Variants in KCNJ6 observed in about 807,000 individuals in gnomAD.
The protein encoded by KCNJ6 is G protein-activated inward rectifier potassium channel 2.
KCNJ6 carries 9 observed loss-of-function variants against 34.2 expected under a neutral mutation model. The ratio of observed to expected loss-of-function variants is 0.26; its 90% confidence interval spans 0.16 to 0.46. The LOEUF is 0.46. KCNJ6 is among the 20% of genes least tolerant of loss of function. The pLI is 1.00. For synonymous variants in KCNJ6, 196 were observed against 207.1 expected, an observed-to-expected ratio of 0.95 and a Z score of 0.46; for missense variants, 236 against 531.3, an observed-to-expected ratio of 0.44 and a Z score of 5.46.
rs565425698 is a variant in KCNJ6, at chr21:37,776,577, A to G, written c.26-61446T>C. The stretch of plus-strand genomic sequence containing the variant: ...GCATGAAGGGCTGTTGAATTTTGTC[A>G]AAGGCCTTTTCTGCATCTATTGAGA... On this transcript the variant is annotated intron_variant, in intron 2 of 3. Transcript: ENST00000609713. Among the ~76,000 whole-genome samples, 71 of 152,270 alleles carry G rather than the reference A, an allele frequency of 4.7e-4. 1 individual carries two copies. Among genetic ancestry groups the G allele is most frequent in the South Asian group, 1.9e-3 (9 of 4,824 alleles).
chr21:37,840,771 T>C, intron 1 of KCNJ6, 62 bp from the exon 2 acceptor site: 2 of 921,224 alleles, frequency 2.2e-6, no homozygotes, highest in Non-Finnish European at 3.4e-6. Context: ...ATTGATCTAA[T>C]TGCCATTTAC....
At chr21:37,684,677 A>T (rs2054605375) in intron 3 of KCNJ6, among the ~76,000 whole-genome samples, 1 of 152,244 alleles carries the variant, frequency 6.6e-6, no homozygotes, top group Non-Finnish European at 1.5e-5. Flanking sequence ...ACAAAGCTGA[A>T]GACCACTTAA....
chr21:37,850,062 G>A (rs1568871041), intron 1 of KCNJ6, among the ~76,000 whole-genome samples: 1 of 152,216 alleles, frequency 6.6e-6, no homozygotes, highest in Non-Finnish European at 1.5e-5. Flanking sequence ...CCAGAAAGTA[G>A]TGCAATACAA....
At chr21:37,882,179 C>T (rs1204585176) in intron 1 of KCNJ6, among the ~76,000 whole-genome samples, 3 of 152,174 alleles carry the variant, frequency 2.0e-5, no homozygotes, top group Non-Finnish European at 4.4e-5. Context: ...TTTTAATTCT[C>T]TACTGTGTGC....
At chr21:37,712,575 T>C (rs4990451) in intron 3 of KCNJ6, among the ~76,000 whole-genome samples, 47,202 of 49,422 alleles carry the variant, frequency 0.96, 22,797 homozygotes, top group South Asian at 0.97. Context: ...CTCCTCCTCT[T>C]CTTCCTCCCT....
intron 2 of KCNJ6, among the ~76,000 whole-genome samples, chr21:37,728,757 C>T (rs772766461): frequency 6.6e-5 from 10 of 151,968 alleles, no homozygotes; most frequent in East Asian, 1.9e-4. Context: ...TGGAGAGAGA[C>T]GCTTCCATTT....
At chr21:37,851,715 C>T (rs1451085068) in intron 1 of KCNJ6, among the ~76,000 whole-genome samples, 2 of 151,888 alleles carry the variant, frequency 1.3e-5, no homozygotes, top group Admixed American at 1.3e-4. Context: ...TTCTTCATTT[C>T]AGCTTTGGCA....
In KCNJ6 at chr21:37,794,010, G is replaced by C. The variant is rs577733562; in HGVS notation, c.25+46648C>G. 2.6e-5 allele frequency among the ~76,000 whole-genome samples: 4 copies of C among 152,330 alleles called. No homozygotes were observed. The East Asian group carries it at 7.7e-4, about 29-fold the overall frequency. ...CTTTTTTGACAATACCTCACAGTAA[G>C]AAATATATTTGTTATTGTGACTCAG... is the stretch of plus-strand genomic sequence containing the variant. On this transcript the variant is annotated intron_variant, in intron 2 of 3. Coordinates refer to ENST00000609713, the MANE Select transcript of KCNJ6 (RefSeq NM_002240.5).
At chr21:37,797,332 G>A (rs1230336488) in intron 2 of KCNJ6, among the ~76,000 whole-genome samples, 2 of 152,202 alleles carry the variant, frequency 1.3e-5, no homozygotes, top group Non-Finnish European at 2.9e-5. Context: ...ATTACAAGGC[G>A]TGAGCCACTG....
chr21:37,907,063 T>C (rs892262880), intron 1 of KCNJ6, among the ~76,000 whole-genome samples: 2 of 152,166 alleles, frequency 1.3e-5, no homozygotes, highest in African/African-American at 2.4e-5. Flanking sequence ...AAATCTGAAG[T>C]GTGCTCTGCC....
chr21:37,864,589 A>G (rs540022263), intron 1 of KCNJ6, among the ~76,000 whole-genome samples: 3 of 152,292 alleles, frequency 2.0e-5, no homozygotes, highest in Admixed American at 2.0e-4. Flanking sequence ...GGTAGCTTCA[A>G]ATACAAAGCT....
At chr21:37,778,689 C>CTGTGTG (rs1488097849) in intron 2 of KCNJ6, among the ~76,000 whole-genome samples, 21 of 130,830 alleles carry the variant, frequency 1.6e-4, no homozygotes, top group African/African-American at 5.7e-4. Flanking sequence ...TATCCGTGTG[C>CTGTGTG]TGTGTGCGTG....
Position 37,675,188 on chromosome 21 carries a change from G to C in KCNJ6, c.946+39023C>G, listed in dbSNP as rs1303699290. Among the ~76,000 whole-genome samples, 1 of 152,190 alleles carries C rather than the reference G, an allele frequency of 6.6e-6. No homozygotes were observed. The highest frequency in any genetic ancestry group is 2.4e-5 in the African/African-American group (1 of 41,458). On this transcript the variant is annotated intron_variant, in intron 3 of 3. Transcript: ENST00000609713. This position sits in a 1 kb window ranked among gnomAD's most constrained non-coding sequence, Gnocchi z 4.2. ...ATTCCCAGCGTCTGGCAATGTAGCAGGGGCTCCGTTTTGAACTACTGGCCT... is the reference window on the plus strand; with the variant it reads ...ATTCCCAGCGTCTGGCAATGTAGCACGGGCTCCGTTTTGAACTACTGGCCT...
intron 3 of KCNJ6, among the ~76,000 whole-genome samples, chr21:37,649,000 C>T (rs1252049748): frequency 2.1e-5 from 3 of 140,308 alleles, no homozygotes; most frequent in African/African-American, 5.4e-5. Context: ...GGTGTGGTGG[C>T]GGGTGCCTGT....
intron 2 of KCNJ6, among the ~76,000 whole-genome samples, chr21:37,813,867 T>G (rs8132619): frequency 0.014 from 2,114 of 152,260 alleles, 47 homozygotes; most frequent in African/African-American, 0.047. Context: ...AGTAATACCC[T>G]ACAAGCATGG....
rs2055894396 is a variant in KCNJ6 at position 37,916,338 on chromosome 21, T to A, written c.-482A>T. On this transcript the variant is annotated 5_prime_UTR_variant, in exon 1 of 4. Coordinates refer to ENST00000609713, the MANE Select transcript of KCNJ6 (RefSeq NM_002240.5). The stretch of plus-strand genomic sequence containing the variant: ...AAAAAATCCCCGGTTAGGAGAAAAG[T>A]GGTGGACCACGCAGAGAGACGTCAT... The A allele has an allele frequency of 6.6e-6, 1 of 150,738 alleles. No homozygotes were observed. Among genetic ancestry groups the A allele is most frequent in the South Asian group, 2.1e-4 (1 of 4,780 alleles). 9.3% of individuals were successfully genotyped at this position (150,738 alleles called of 1,614,324 possible). A position where few individuals can be genotyped will look rare whatever the true frequency, so the allele number is the denominator to read the frequency against.
In KCNJ6 at chr21:37,619,126, G is replaced by A. The variant is rs1162892623; in HGVS notation, c.*6033C>T. The A allele has an allele frequency of 6.6e-6, 1 of 152,124 alleles. No homozygotes were observed. Among genetic ancestry groups the A allele is most frequent in the African/African-American group, 2.4e-5 (1 of 41,416 alleles). 9.4% of individuals were successfully genotyped at this position (152,124 alleles called of 1,614,324 possible). A position where few individuals can be genotyped will look rare whatever the true frequency, so the allele number is the denominator to read the frequency against. ...CAACATCACAATGATTTGTTACATT[G>A]TTACTTTTTTTTCTTTCTCATCTGA... On this transcript the variant is annotated 3_prime_UTR_variant, in exon 4 of 4. Coordinates refer to ENST00000609713, the MANE Select transcript of KCNJ6 (RefSeq NM_002240.5).
At chr21:37,907,659 C>T (rs1304060151) in intron 1 of KCNJ6, among the ~76,000 whole-genome samples, 1 of 152,182 alleles carries the variant, frequency 6.6e-6, no homozygotes, top group South Asian at 2.1e-4. Context: ...CACTTTGTAG[C>T]TTCCACTGCT....
intron 2 of KCNJ6, among the ~76,000 whole-genome samples, chr21:37,815,455 ATGGGTG>A (rs1203319833): frequency 6.6e-6 from 1 of 152,210 alleles, no homozygotes; most frequent in Non-Finnish European, 1.5e-5. Flanking sequence ...GGGGAGAAGA[ATGGGTG>A]TGACCATTGG....
Sources: gnomAD v4.1 joint callset for allele counts (sites outside exome capture counted in the v4.1 genomes callset) on GRCh38, gnomAD v4.1.1 for gene constraint, Gnocchi (gnomAD v3.1) non-coding constraint, MANE v1.5 for transcripts, NCBI Gene and HGNC (gene_info 2026-07-23, HGNC 2026-07-21) for gene names.